The following MS4A6E variants were observed in gnomAD, a reference collection of about 807,000 sequenced individuals.
The protein encoded by MS4A6E is membrane spanning 4-domains A6E, also known as membrane-spanning 4-domains subfamily A member 6E.
In MS4A6E, 8 loss-of-function variants were observed where a neutral mutation model predicts 13.2. That is an observed-to-expected ratio of 0.60 (90% CI 0.35 to 1.09). The LOEUF (loss-of-function observed/expected upper bound fraction) is 1.09. Among genes scored for constraint, MS4A6E ranks in the 50% least tolerant of loss-of-function variants. The probability of loss-of-function intolerance (pLI) is 0.02; values close to 1 mark genes in which losing one functional copy is unlikely to be tolerated. For missense variants in MS4A6E, 177 were observed against 171.1 expected, an observed-to-expected ratio of 1.03 and a Z score of -0.19; for synonymous variants, 72 against 67.6, an observed-to-expected ratio of 1.06 and a Z score of -0.32.
At chr11:60,330,347 T>TTG (rs2085147065) in intron 1 of MS4A6E, among the ~76,000 whole-genome samples, 1 of 124,802 alleles carries the variant, frequency 8.0e-6, no homozygotes, top group Admixed American at 7.7e-5. Context: ...TTTTTTTTTT[T>TTG]TTTTTTTTTT....
intron 2 of MS4A6E, among the ~76,000 whole-genome samples, chr11:60,337,312 A>G (rs1040732320): frequency 1.3e-5 from 2 of 152,214 alleles, no homozygotes; most frequent in Non-Finnish European, 2.9e-5. Flanking sequence ...GCACCATGCT[A>G]ATACACCATC....
intron 3 of MS4A6E, 150 bp from the exon 4 acceptor site, chr11:60,339,716 G>T: frequency 1.5e-6 from 1 of 671,484 alleles, no homozygotes; most frequent in Non-Finnish European, 2.7e-6. Context: ...TAAGACAATT[G>T]TGAGGAGGAG....
intron 4 of MS4A6E, among the ~76,000 whole-genome samples, chr11:60,346,763 C>T (rs149119453): frequency 9.4e-4 from 143 of 152,214 alleles, no homozygotes; most frequent in African/African-American, 3.2e-3. Flanking sequence ...TCCATTATTC[C>T]TTCACCTTCT....
intron 3 of MS4A6E, 88 bp from the exon 4 acceptor site, chr11:60,339,778 G>A: frequency 9.3e-7 from 1 of 1,072,572 alleles, no homozygotes; most frequent in Non-Finnish European, 1.4e-6. Flanking sequence ...TGGTTGAGGT[G>A]GTCTTCATCT....
rs1212275422 is a variant in MS4A6E, at chr11:60,337,756, G to A, written c.163G>A (p.Ala55Thr). The change falls in exon 3 of 5, where the codon GCT becomes ACT. Residue 55 changes from alanine to threonine, a missense_variant. Transcript: ENST00000684409. ...TCTCTTTCAGGTGCATAGCAGCCTG[G>A]CTGGAAGCATTCTGAGTGCTCTGTC... ...VKVIGVHSSLAGSILSALSAL... is the reference protein window; with the variant it reads ...VKVIGVHSSLTGSILSALSAL... 6.2e-7 allele frequency: 1 copy of A among 1,614,076 alleles called. No individual in the cohort carries two copies. The highest frequency in any genetic ancestry group is 1.3e-5 in the African/African-American group (1 of 74,928).
downstream of MS4A6E, among the ~76,000 whole-genome samples, chr11:60,344,841 T>C (rs187400870): frequency 1.2e-4 from 18 of 152,362 alleles, no homozygotes; most frequent in Admixed American, 9.8e-4. Flanking sequence ...GTAGCACTGT[T>C]ATCTTTCATG....
chr11:60,345,919 T>C (rs2085254519), downstream of MS4A6E, among the ~76,000 whole-genome samples: 1 of 152,164 alleles, frequency 6.6e-6, no homozygotes, highest in Non-Finnish European at 1.5e-5. Flanking sequence ...ACGTTCATGC[T>C]ATGGGAAGAG....
chr11:60,336,206 T>A (rs1453218744), intron 2 of MS4A6E, among the ~76,000 whole-genome samples: 3 of 152,212 alleles, frequency 2.0e-5, no homozygotes, highest in African/African-American at 7.2e-5. Flanking sequence ...AATGTAACTT[T>A]CTATGATGAT....
intron 1 of MS4A6E, among the ~76,000 whole-genome samples, chr11:60,327,904 C>T (rs2085130033): frequency 6.6e-6 from 1 of 151,852 alleles, no homozygotes; most frequent in Non-Finnish European, 1.5e-5. Context: ...GTGGTGCACA[C>T]CTATAATCCC....
intron 4 of MS4A6E, 23 bp downstream of exon 4, chr11:60,339,987 C>T (rs1479165264): frequency 6.2e-7 from 1 of 1,610,688 alleles, no homozygotes; most frequent in East Asian, 2.2e-5. Flanking sequence ...GCCAGCCTCG[C>T]TTAATCTTGC....
downstream of MS4A6E, among the ~76,000 whole-genome samples, chr11:60,344,893 T>C (rs549899744): frequency 7.5e-6 from 1 of 133,228 alleles, no homozygotes; most frequent in African/African-American, 2.8e-5. Context: ...TTCCTGGTGG[T>C]TTTTGTTTGT....
chr11:60,348,463 C>T (rs1413545068), intron 4 of MS4A6E, among the ~76,000 whole-genome samples: 2 of 152,208 alleles, frequency 1.3e-5, no homozygotes, highest in African/African-American at 4.8e-5. Context: ...CTAATCTTTC[C>T]TAACAGGACT....
At chr11:60,338,959 A>C (rs968443952) in intron 3 of MS4A6E, among the ~76,000 whole-genome samples, 1 of 152,220 alleles carries the variant, frequency 6.6e-6, no homozygotes, top group Non-Finnish European at 1.5e-5. Flanking sequence ...ATTTGGGAGA[A>C]ATTTGGTAGT....
chr11:60,343,289 G>T (rs2085240093), downstream of MS4A6E, among the ~76,000 whole-genome samples: 1 of 152,114 alleles, frequency 6.6e-6, no homozygotes, highest in Non-Finnish European at 1.5e-5. Context: ...ATACTAGTTT[G>T]CCTCCACCAG....
chr11:60,344,966 C>T (rs2085249406), downstream of MS4A6E, among the ~76,000 whole-genome samples: 1 of 151,856 alleles, frequency 6.6e-6, no homozygotes, highest in Non-Finnish European at 1.5e-5. Flanking sequence ...GACAGAGTCT[C>T]ACTCTGTGGC....
chr11:60,343,957 G>C (rs4939341), downstream of MS4A6E, among the ~76,000 whole-genome samples: 2 of 152,096 alleles, frequency 1.3e-5, no homozygotes, highest in Non-Finnish European at 2.9e-5. Context: ...AAGAGAGAGA[G>C]AAGGGAGAGC....
At chr11:60,329,314 G>T (rs891342179) in intron 1 of MS4A6E, among the ~76,000 whole-genome samples, 1 of 152,130 alleles carries the variant, frequency 6.6e-6, no homozygotes, top group Non-Finnish European at 1.5e-5. Context: ...CCCTGAAAAG[G>T]ACATGAACTC....
At chr11:60,339,752 T>A (rs1040506975) in intron 3 of MS4A6E, 114 bp from the exon 4 acceptor site, 2 of 876,370 alleles carry the variant, frequency 2.3e-6, no homozygotes, top group Admixed American at 3.5e-5. Context: ...GATTGTTTCC[T>A]TACTTCATTC....
chr11:60,337,998 C>T lies in MS4A6E; in HGVS notation c.354+51C>T, dbSNP rs746849076. On this transcript the variant is annotated intron_variant, in intron 3 of 4. Coordinates refer to ENST00000684409, the MANE Select transcript of MS4A6E (RefSeq NM_139249.4). ...CTAATTTTATGAGGTTTCTGAAAGC[C>T]TTGATTTCTTATTATTCCATCCTTT... The T allele has an allele frequency of 1.0e-5, 16 of 1,549,462 alleles. No homozygotes were observed. The South Asian group carries it at 1.6e-4, about 16-fold the overall frequency.
Sources: allele counts gnomAD v4.1 joint callset (sites outside exome capture counted in the v4.1 genomes callset), GRCh38; gene constraint gnomAD v4.1.1; transcripts MANE v1.5; gene names NCBI Gene and HGNC (gene_info 2026-07-23, HGNC 2026-07-21).